Variants in CHST15 observed in about 807,000 individuals in gnomAD.
CHST15 encodes B cell RAG associated protein (GALNAC4S-6ST).
CHST15 carries 30 observed loss-of-function variants against 53.6 expected under a neutral mutation model. The observed-to-expected ratio is 0.56, with a 90% CI of 0.42 to 0.76. CHST15 has a LOEUF of 0.76. CHST15 is among the 30% of genes least tolerant of loss of function. The pLI is 0.00. For missense variants in CHST15, 627 were observed against 740.5 expected (o/e 0.85, Z 1.78); for synonymous variants, 296 against 289.8 (o/e 1.02, Z -0.22).
At chr10:124,083,780 T>C (rs1431098768) in intron 1 of CHST15, among the ~76,000 whole-genome samples, 1 of 152,228 alleles carries the variant, frequency 6.6e-6, no homozygotes, top group East Asian at 1.9e-4. Context: ...ACTTTCACTA[T>C]AATGCACTTG....
chr10:124,050,130 A>C (rs1948139777), intron 1 of CHST15, among the ~76,000 whole-genome samples: 1 of 152,216 alleles, frequency 6.6e-6, no homozygotes, highest in Admixed American at 6.5e-5. Flanking sequence ...TAGTATGTCA[A>C]ATACTCAGTA....
intron 1 of CHST15, among the ~76,000 whole-genome samples, chr10:124,073,175 A>G (rs189973433): frequency 5.7e-4 from 87 of 152,330 alleles, no homozygotes; most frequent in Admixed American, 1.8e-3. Flanking sequence ...TCATTGTACT[A>G]TTTGTAGGGC....
intron 1 of CHST15, among the ~76,000 whole-genome samples, chr10:124,064,542 C>A (rs6588752): frequency 0.26 from 39,782 of 151,994 alleles, 5,403 homozygotes; most frequent in Middle Eastern, 0.38. Context: ...GATCATGAAA[C>A]AACCATACCC....
intron 1 of CHST15, among the ~76,000 whole-genome samples, chr10:124,084,395 G>T (rs1350674525): frequency 6.6e-6 from 1 of 152,120 alleles, no homozygotes; most frequent in African/African-American, 2.4e-5. Context: ...AACCTTCTCC[G>T]TTAGAGCCTT....
In CHST15 at chr10:124,044,805, A is replaced by T; in HGVS notation, c.661T>A (p.Tyr221Asn). 6.2e-7 allele frequency: 1 copy of T among 1,601,946 alleles called. No individual in the cohort carries two copies. Among genetic ancestry groups the T allele is most frequent in the Non-Finnish European group, 8.5e-7 (1 of 1,172,894 alleles). Residue 221 changes from tyrosine to asparagine, a missense_variant, in exon 3 of 8, where the codon TAC (tyrosine) becomes AAC (asparagine). This residue lies in a region of CHST15 where 161 missense variants were observed against 117.2 expected (regional missense o/e 1.37). Coordinates refer to ENST00000435907, the MANE Select transcript of CHST15 (RefSeq NM_001270764.2). ...DPYLTNSYVL[Y>N]SKRFRSTFDA... The stretch of plus-strand genomic sequence containing the variant: ...AAGGTGGAGCGGAAGCGCTTGGAGT[A>T]GAGCACGTAGGAGTTGGTGAGGTAG...
At chr10:124,035,512 C>A (rs1409139079) in intron 5 of CHST15, among the ~76,000 whole-genome samples, 1 of 150,232 alleles carries the variant, frequency 6.7e-6, no homozygotes, top group Non-Finnish European at 1.5e-5. Flanking sequence ...CTGGCTTCAT[C>A]CCCTAACAGG....
chr10:124,013,929 A>G (rs4497344), intron 6 of CHST15, among the ~76,000 whole-genome samples: 43,028 of 152,056 alleles, frequency 0.28, 6,253 homozygotes, highest in East Asian at 0.36. Flanking sequence ...CCTCCTGGCT[A>G]GTCCTCCTTC....
intron 4 of CHST15, 125 bp from the exon 5 acceptor site, chr10:124,038,796 G>T: frequency 2.0e-6 from 2 of 993,244 alleles, no homozygotes; most frequent in Non-Finnish European, 2.9e-6. Flanking sequence ...AGGCCAAGCT[G>T]TCAGCCTTTG....
intron 1 of CHST15, among the ~76,000 whole-genome samples, chr10:124,066,299 G>A (rs776015226): frequency 6.6e-6 from 1 of 152,144 alleles, no homozygotes; most frequent in South Asian, 2.1e-4. Flanking sequence ...GAAAGAAAGA[G>A]ACGGATGTTT....
At chr10:124,087,278 C>A (rs1481295122) in intron 1 of CHST15, among the ~76,000 whole-genome samples, 2 of 152,172 alleles carry the variant, frequency 1.3e-5, no homozygotes, top group Admixed American at 6.5e-5. Flanking sequence ...GAGATAGATC[C>A]AGGGCCACCC....
Position 124,008,372 on chromosome 10 carries a change from T to A in CHST15, c.*1777A>T. 1 of 1,019,728 alleles carries A rather than the reference T, an allele frequency of 9.8e-7. No homozygotes were observed. Among genetic ancestry groups the A allele is most frequent in the East Asian group, 8.8e-5 (1 of 11,368 alleles). The allele number at this position is 1,019,728 out of a possible 1,614,324, so 63.2% of individuals were successfully genotyped here. A position where few individuals can be genotyped will look rare whatever the true frequency, so the allele number is the denominator to read the frequency against. The stretch of plus-strand genomic sequence containing the variant: ...ACACACACACACGCGCGCACTGTAC[T>A]GCAAATAAATATACACACACACTGA... On this transcript the variant is annotated 3_prime_UTR_variant, in exon 8 of 8. Transcript: ENST00000435907.
intron 1 of CHST15, among the ~76,000 whole-genome samples, chr10:124,071,179 T>A (rs895937298): frequency 5.9e-5 from 9 of 152,302 alleles, no homozygotes; most frequent in Non-Finnish European, 1.0e-4. Context: ...CGTGCTCAGC[T>A]CTCTCTTCCT....
At chr10:124,069,024 G>T (rs1294442771) in intron 1 of CHST15, among the ~76,000 whole-genome samples, 2 of 152,192 alleles carry the variant, frequency 1.3e-5, no homozygotes, top group Non-Finnish European at 1.5e-5. Context: ...GGCTAAGCTG[G>T]GGTCAGATGT....
At chr10:124,052,632 A>G (rs936336539) in intron 1 of CHST15, among the ~76,000 whole-genome samples, 6 of 152,174 alleles carry the variant, frequency 3.9e-5, no homozygotes, top group African/African-American at 7.2e-5. Flanking sequence ...AAGATATTAA[A>G]CGTCTCTTCT....
rs565814743 is a variant in CHST15, at chr10:124,012,194, T to A, written c.1495+139A>T. ...CTCAATAAATGGTACTTAACAGGCC[T>A]CCTGAAGGACATCCCCAGGCCTCCC... On this transcript the variant is annotated intron_variant, in intron 7 of 7. Coordinates refer to ENST00000435907, the MANE Select transcript of CHST15 (RefSeq NM_001270764.2). 7 of 888,294 alleles carry A rather than the reference T, an allele frequency of 7.9e-6. No homozygotes were observed. In the East Asian group the frequency reaches 1.3e-4, roughly 17 times the overall value. The allele number at this position is 888,294 out of a possible 1,614,324, so 55.0% of individuals were successfully genotyped here. A position where few individuals can be genotyped will look rare whatever the true frequency, so the allele number is the denominator to read the frequency against.
In CHST15 at chr10:124,012,408, G is replaced by A; in HGVS notation, c.1420C>T (p.Leu474Phe). 1 of 1,614,156 alleles carries A rather than the reference G, an allele frequency of 6.2e-7. No individual in the cohort carries two copies. Among genetic ancestry groups the A allele is most frequent in the Non-Finnish European group, 8.5e-7 (1 of 1,180,020 alleles). The change falls in exon 7 of 8, where the codon CTC (leucine) becomes TTC (phenylalanine). Residue 474 changes from leucine to phenylalanine, a missense_variant. By Grantham distance (22) the Leu-to-Phe change is conservative. Transcript: ENST00000435907. ...WLSVFDKQQF[L>F]ILRLEDHASN... ...GCATGATCTTCCAGGCGAAGAATGA[G>A]AAACTGTTGCTTGTCAAAAACGCTG...
intron 1 of CHST15, among the ~76,000 whole-genome samples, chr10:124,060,543 C>G (rs1395133780): frequency 6.7e-6 from 1 of 148,720 alleles, no homozygotes; most frequent in Non-Finnish European, 1.5e-5. Flanking sequence ...TGCCAGACCC[C>G]CAGGGGTATG....
At chr10:124,059,521 C>T (rs1319788341) in intron 1 of CHST15, among the ~76,000 whole-genome samples, 2 of 152,194 alleles carry the variant, frequency 1.3e-5, no homozygotes, top group Non-Finnish European at 1.5e-5. Context: ...CCAGAGTCCC[C>T]TTGCCCACTT....
intron 5 of CHST15, 50 bp from the exon 6 acceptor site, chr10:124,021,462 C>G: frequency 3.8e-6 from 6 of 1,566,992 alleles, no homozygotes; most frequent in Non-Finnish European, 5.2e-6. Context: ...CATGCAATCA[C>G]ACCATTTGGG....
Sources: allele counts gnomAD v4.1 joint callset (sites outside exome capture counted in the v4.1 genomes callset), GRCh38; gene constraint gnomAD v4.1.1; regional missense constraint gnomAD v4.1.1; transcripts MANE v1.5; gene names NCBI Gene and HGNC (gene_info 2026-07-23, HGNC 2026-07-21).